The following SEPTIN7 variants were observed in gnomAD, a reference collection of about 807,000 sequenced individuals.
SEPTIN7 encodes the protein septin 7, also known as septin-7.
Under a neutral mutation model 63.3 loss-of-function variants are expected in SEPTIN7, and 10 were observed. The ratio of observed to expected loss-of-function variants is 0.16; its 90% CI spans 0.10 to 0.27. The LOEUF (loss-of-function observed/expected upper bound fraction) is 0.27. SEPTIN7 is among the 10% of genes least tolerant of loss of function. The probability of loss-of-function intolerance (pLI) is 1.00; values close to 1 mark genes in which losing one functional copy is unlikely to be tolerated. For synonymous variants in SEPTIN7, 131 were observed against 165.3 expected, an observed-to-expected ratio of 0.79 and a Z score of 1.59; for missense variants, 310 against 521.0, an observed-to-expected ratio of 0.59 and a Z score of 3.94.
At chr7:35,848,079 G>A (rs1784775504) in intron 3 of SEPTIN7, 1 of 152,138 alleles carries the variant, frequency 6.6e-6, no homozygotes, top group South Asian at 2.1e-4. Context: ...GCTGTAAGTT[G>A]CCCTCTACTT....
chr7:35,812,643 A>C (rs1019352074), intron 1 of SEPTIN7, among the ~76,000 whole-genome samples: 2 of 152,106 alleles, frequency 1.3e-5, no homozygotes, highest in African/African-American at 4.8e-5. Flanking sequence ...TGGGTAGTGG[A>C]TTTCATTTAA....
intron 3 of SEPTIN7, among the ~76,000 whole-genome samples, chr7:35,858,109 A>G (rs780029426): frequency 5.3e-5 from 8 of 151,288 alleles, no homozygotes; most frequent in Admixed American, 6.6e-5. Context: ...GGACAGGGTA[A>G]TGTTTTTGTA....
intron 1 of SEPTIN7, among the ~76,000 whole-genome samples, chr7:35,811,162 G>A (rs1788684577): frequency 6.6e-6 from 1 of 152,084 alleles, no homozygotes; most frequent in Non-Finnish European, 1.5e-5. Context: ...ATTTGTGTAA[G>A]AGGAGGCAAA....
At chr7:35,802,312 C>A in intron 1 of SEPTIN7, 2 of 319,570 alleles carry the variant, frequency 6.3e-6, no homozygotes, top group South Asian at 2.8e-5. Flanking sequence ...AGGACATTTC[C>A]ATTTGCTGAG....
chr7:35,891,597 T>A (rs553548055), intron 11 of SEPTIN7, among the ~76,000 whole-genome samples: 1 of 152,316 alleles, frequency 6.6e-6, no homozygotes, highest in Non-Finnish European at 1.5e-5. Context: ...TTGGTTTGAA[T>A]GGAGTTTGCA....
At chr7:35,848,184 T>C (rs1196484303) in intron 3 of SEPTIN7, among the ~76,000 whole-genome samples, 1 of 152,202 alleles carries the variant, frequency 6.6e-6, no homozygotes, top group Non-Finnish European at 1.5e-5. Flanking sequence ...AAAACTCTTA[T>C]TTTCTTAATT....
chr7:35,874,688 A>G (rs941001822), intron 6 of SEPTIN7, among the ~76,000 whole-genome samples: 2 of 152,028 alleles, frequency 1.3e-5, no homozygotes, highest in African/African-American at 4.8e-5. Flanking sequence ...TTTTTTATAG[A>G]TAGGTCAATG....
intron 3 of SEPTIN7, among the ~76,000 whole-genome samples, chr7:35,857,822 T>A (rs941969112): frequency 1.7e-4 from 26 of 152,184 alleles, no homozygotes; most frequent in Middle Eastern, 6.8e-3. Context: ...GAGGTGTACA[T>A]ACTGTTTAGA....
At chr7:35,889,942 TGAGAA>T (rs1235352474) in intron 10 of SEPTIN7, among the ~76,000 whole-genome samples, 1 of 152,106 alleles carries the variant, frequency 6.6e-6, no homozygotes, top group Non-Finnish European at 1.5e-5. Flanking sequence ...GAATGGATGA[TGAGAA>T]GAGAGAGGAC....
At chr7:35,835,908 T>C (rs538693926) in intron 3 of SEPTIN7, among the ~76,000 whole-genome samples, 3 of 152,348 alleles carry the variant, frequency 2.0e-5, no homozygotes, top group Non-Finnish European at 4.4e-5. Context: ...AAAGAAACAG[T>C]TACCTATTTT....
At chr7:35,864,376 G>T (rs1785681365) in intron 4 of SEPTIN7, among the ~76,000 whole-genome samples, 1 of 152,116 alleles carries the variant, frequency 6.6e-6, no homozygotes, top group Non-Finnish European at 1.5e-5. Flanking sequence ...TGATGCTGCT[G>T]GATGGTAGAT....
intron 3 of SEPTIN7, among the ~76,000 whole-genome samples, chr7:35,845,184 G>C (rs1158599226): frequency 6.6e-6 from 1 of 152,078 alleles, no homozygotes; most frequent in Non-Finnish European, 1.5e-5. Context: ...GACCACCCCT[G>C]CCTCACAGAG....
At chr7:35,912,324 G>A in the SEPTIN7 span, among the ~76,000 whole-genome samples, 1 of 152,262 alleles carries the variant, frequency 6.6e-6, no homozygotes, top group African/African-American at 2.4e-5. Flanking sequence ...ACAATAGCAT[G>A]AGCGATCTGT....
At chr7:35,885,984 T>C (rs1787216500) in intron 10 of SEPTIN7, 105 bp downstream of exon 10, 1 of 731,090 alleles carries the variant, frequency 1.4e-6, no homozygotes, top group Non-Finnish European at 2.3e-6. Flanking sequence ...TTTAAATTTA[T>C]ATCTTCAGTC....
chr7:35,802,947 C>G (rs188475315), intron 1 of SEPTIN7, among the ~76,000 whole-genome samples: 3 of 152,128 alleles, frequency 2.0e-5, no homozygotes, highest in African/African-American at 7.2e-5. Context: ...AGGTGATTTG[C>G]ATGGTAGCAT....
At chr7:35,884,074 A>G in intron 9 of SEPTIN7, 87 bp downstream of exon 9, 1 of 752,078 alleles carries the variant, frequency 1.3e-6, no homozygotes, top group South Asian at 1.6e-5. Context: ...CAGTATGCAC[A>G]CTGTATTGAT....
At position 35,801,167 on chromosome 7, in the gene SEPTIN7, C is replaced by A; in HGVS notation, c.-43C>A. 6.9e-7 allele frequency: 1 copy of A among 1,450,738 alleles called. No individual in the cohort carries two copies. The highest frequency in any genetic ancestry group is 9.1e-7 in the Non-Finnish European group (1 of 1,094,640). 89.9% of individuals were successfully genotyped at this position (1,450,738 alleles called of 1,614,324 possible). A position where few individuals can be genotyped will look rare whatever the true frequency, so the allele number is the denominator to read the frequency against. On this transcript the variant is annotated 5_prime_UTR_variant, in exon 1 of 14. Transcript: ENST00000350320. ...GGCGTAGGCGCCTTTGGAGAATCGG[C>A]GGGCTGCGCTCCGCTGGGGCTGGTC...
At chr7:35,802,234 A>G in intron 1 of SEPTIN7, 1 of 347,360 alleles carries the variant, frequency 2.9e-6, no homozygotes, top group Non-Finnish European at 5.9e-6. Flanking sequence ...CATTTCATTT[A>G]CATTTTCCAC....
intron 6 of SEPTIN7, 26 bp downstream of exon 6, chr7:35,873,801 C>T: frequency 6.2e-7 from 1 of 1,602,310 alleles, no homozygotes; most frequent in Non-Finnish European, 8.5e-7. Flanking sequence ...CTTCTGATTC[C>T]TTTTTTGTTG....
Sources: allele counts gnomAD v4.1 joint callset (sites outside exome capture counted in the v4.1 genomes callset), GRCh38; gene constraint gnomAD v4.1.1; transcripts MANE v1.5; gene names NCBI Gene and HGNC (gene_info 2026-07-23, HGNC 2026-07-21).